RIN2: variants seen among roughly 807,000 people sequenced by gnomAD.
The protein encoded by RIN2 is RAB5 interacting protein 2.
Under a neutral mutation model 78.0 loss-of-function variants are expected in RIN2, and 36 were observed. That is an observed-to-expected ratio of 0.46 (90% confidence interval 0.35 to 0.61). RIN2 has a LOEUF of 0.61. RIN2 is among the 20% of genes least tolerant of loss of function. RIN2 has a pLI of 0.00. For synonymous variants in RIN2, 466 were observed against 466.8 expected (o/e 1.00, Z 0.02); for missense variants, 1,087 against 1,159.7 (o/e 0.94, Z 0.91).
chr20:19,946,804 G>A (rs1191265349), intron 4 of RIN2, among the ~76,000 whole-genome samples: 1 of 151,754 alleles, frequency 6.6e-6, no homozygotes. Context: ...GCCGAGGTGG[G>A]TGGATCACCT....
intron 11 of RIN2, among the ~76,000 whole-genome samples, chr20:19,992,519 G>T (rs1464279257): frequency 6.6e-6 from 1 of 151,966 alleles, no homozygotes; most frequent in Admixed American, 6.6e-5. Flanking sequence ...CAGTTACTTG[G>T]GTGCTTTTTT....
chr20:19,798,832 T>A (rs2035151790), intron 1 of RIN2, among the ~76,000 whole-genome samples: 1 of 152,208 alleles, frequency 6.6e-6, no homozygotes, highest in Non-Finnish European at 1.5e-5. Context: ...TTCATGCATG[T>A]ACTTAGGTAA....
chr20:19,944,922 T>G (rs2041025106), intron 4 of RIN2, among the ~76,000 whole-genome samples: 1 of 152,324 alleles, frequency 6.6e-6, no homozygotes, highest in Middle Eastern at 3.4e-3. Flanking sequence ...GGAAACACAT[T>G]GCCTTGCTTT....
At chr20:19,840,623 G>A (rs1254398654) in intron 2 of RIN2, among the ~76,000 whole-genome samples, 1 of 152,174 alleles carries the variant, frequency 6.6e-6, no homozygotes, top group African/African-American at 2.4e-5. Flanking sequence ...TGTTAATTGA[G>A]GAATTGTCTT....
In RIN2 at chr20:19,990,137, C is replaced by G; in HGVS notation, c.1894C>G (p.Arg632Gly). ...KQLKENLQLV[R>G]QRNPQELGVF... Reference sequence around the variant, plus strand: ...ACTCAAGGAGAACCTGCAGCTTGTGCGGCAGAGGAATCCGCAGGAGCTGGG... The same window carrying G: ...ACTCAAGGAGAACCTGCAGCTTGTGGGGCAGAGGAATCCGCAGGAGCTGGG... Residue 632 changes from arginine (R) to glycine (G), a missense_variant, in exon 10 of 13, where the codon CGG becomes GGG. Arg to Gly is a moderately radical substitution (Grantham distance 125). Coordinates refer to ENST00000255006, the MANE Select transcript of RIN2 (RefSeq NM_018993.4). 1 of 1,601,340 alleles carries G rather than the reference C, an allele frequency of 6.2e-7. No individual in the cohort carries two copies. The highest frequency in any genetic ancestry group is 8.5e-7 in the Non-Finnish European group (1 of 1,173,936).
chr20:19,841,230 A>G (rs2036566109), intron 2 of RIN2, among the ~76,000 whole-genome samples: 1 of 151,814 alleles, frequency 6.6e-6, no homozygotes, highest in Non-Finnish European at 1.5e-5. Context: ...ATCCTTTTGA[A>G]AAAATCCTTA....
At chr20:19,949,501 C>T (rs2041229457) in intron 4 of RIN2, among the ~76,000 whole-genome samples, 1 of 152,200 alleles carries the variant, frequency 6.6e-6, no homozygotes, top group Non-Finnish European at 1.5e-5. Flanking sequence ...TTGCCTTGAA[C>T]TTTATTTTTG....
intron 2 of RIN2, among the ~76,000 whole-genome samples, chr20:19,835,349 ATCT>A (rs1319648998): frequency 3.3e-5 from 5 of 152,314 alleles, no homozygotes; most frequent in African/African-American, 9.6e-5. Context: ...ATGTATATAA[ATCT>A]TCTTTATTGT....
At chr20:19,941,913 G>C (rs2040886896) in intron 4 of RIN2, among the ~76,000 whole-genome samples, 1 of 152,106 alleles carries the variant, frequency 6.6e-6, no homozygotes, top group Admixed American at 6.5e-5. Flanking sequence ...AGGAGTTTGA[G>C]ACCAGCTTGG....
chr20:19,781,227 A>T (rs1173619416), intron 1 of RIN2, among the ~76,000 whole-genome samples: 1 of 152,036 alleles, frequency 6.6e-6, no homozygotes, highest in Non-Finnish European at 1.5e-5. Flanking sequence ...AGTCACATAG[A>T]CCCTCCCCAA....
chr20:19,997,898 T>C (rs1438770543), intron 12 of RIN2, among the ~76,000 whole-genome samples: 1 of 152,202 alleles, frequency 6.6e-6, no homozygotes, highest in Non-Finnish European at 1.5e-5. Context: ...CTGTGGTTTG[T>C]TTCTATGTTC....
intron 1 of RIN2, among the ~76,000 whole-genome samples, chr20:19,777,812 C>T (rs879275963): frequency 2.1e-4 from 32 of 152,168 alleles, no homozygotes; most frequent in Non-Finnish European, 3.7e-4. Context: ...TGTGTTGTGG[C>T]CTTCCTGGTT....
rs1171545083 is a variant in RIN2 at position 19,974,985 on chromosome 20, C to T, written c.960C>T (p.His320=). ...RPPPPAINSL[H]TSPRLARTET... is the part of the protein sequence containing the mutation. ...CGCCACCCGCTATTAATAGTCTCCA[C>T]ACAAGCCCTCGGCTGGCCAGGACTG... Residue 320 remains histidine (H), a synonymous_variant, in exon 9 of 13, where the codon CAC becomes CAT. Transcript: ENST00000255006. 4.3e-6 allele frequency: 7 copies of T among 1,612,690 alleles called. No homozygotes were observed. The highest frequency in any genetic ancestry group is 5.9e-6 in the Non-Finnish European group (7 of 1,179,562).
At chr20:19,970,712 T>C in intron 7 of RIN2, 126 bp from the exon 8 acceptor site, 1 of 724,212 alleles carries the variant, frequency 1.4e-6, no homozygotes, top group East Asian at 2.7e-5. Flanking sequence ...ACTTTGTCGA[T>C]ATGGTATGGT....
chr20:19,860,511 CG>C (rs34418005), intron 2 of RIN2, among the ~76,000 whole-genome samples: 17,432 of 151,880 alleles, frequency 0.11, 985 homozygotes, highest in Middle Eastern at 0.15. Flanking sequence ...TTAGTAGAGA[CG>C]GGGTTTCACC....
intron 1 of RIN2, among the ~76,000 whole-genome samples, chr20:19,762,339 AG>A (rs2033672559): frequency 6.6e-6 from 1 of 152,206 alleles, no homozygotes; most frequent in Admixed American, 6.5e-5. Context: ...TTAGAATTTC[AG>A]GGACTCAAAG....
At chr20:19,982,012 C>T (rs544958173) in intron 9 of RIN2, among the ~76,000 whole-genome samples, 1 of 152,212 alleles carries the variant, frequency 6.6e-6, no homozygotes, top group Non-Finnish European at 1.5e-5. Flanking sequence ...AAACTTCACA[C>T]TTTTGGAGTG....
chr20:19,833,188 C>T (rs376869294), intron 2 of RIN2, among the ~76,000 whole-genome samples: 4 of 152,138 alleles, frequency 2.6e-5, no homozygotes, highest in African/African-American at 9.6e-5. Flanking sequence ...AGTAACAAAC[C>T]GTCTTTTCAA....
intron 8 of RIN2, among the ~76,000 whole-genome samples, chr20:19,973,882 C>G (rs906985639): frequency 3.9e-5 from 6 of 152,132 alleles, no homozygotes; most frequent in African/African-American, 1.4e-4. Context: ...ACATGGAACA[C>G]TGAGACTCAT....
Sources: allele counts gnomAD v4.1 joint callset (sites outside exome capture counted in the v4.1 genomes callset), GRCh38; gene constraint gnomAD v4.1.1; transcripts MANE v1.5; gene names NCBI Gene and HGNC (gene_info 2026-07-23, HGNC 2026-07-21).